Variants in DHX30 observed in about 807,000 individuals in gnomAD.
The protein encoded by DHX30 is ATP-dependent RNA helicase DHX30.
Under a neutral mutation model 116.9 loss-of-function variants are expected in DHX30, and 4 were observed. That is an observed-to-expected ratio of 0.03 (90% confidence interval 0.02 to 0.08). DHX30 has a LOEUF of 0.08. Ranked by LOEUF, DHX30 falls within the 10% of genes least tolerant of loss-of-function variation. DHX30 has a pLI of 1.00. For missense variants in DHX30, 871 were observed against 1,595.1 expected (o/e 0.55, Z 7.73); for synonymous variants, 697 against 651.7 (o/e 1.07, Z -1.06).
At chr3:47,832,076 CTT>C (rs565015686) in intron 6 of DHX30, among the ~76,000 whole-genome samples, 9 of 139,106 alleles carry the variant, frequency 6.5e-5, no homozygotes, top group Admixed American at 7.3e-5. Flanking sequence ...CAGTTAATAT[CTT>C]TTTTTTTTTT....
At chr3:47,824,128 G>A (rs2036426634) in intron 4 of DHX30, among the ~76,000 whole-genome samples, 2 of 148,468 alleles carry the variant, frequency 1.3e-5, no homozygotes, top group African/African-American at 2.5e-5. Flanking sequence ...TCAGCCTCCC[G>A]AGTAGCTGGG....
At chr3:47,815,113 A>G (rs1053060141) in intron 3 of DHX30, among the ~76,000 whole-genome samples, 5 of 152,098 alleles carry the variant, frequency 3.3e-5, no homozygotes, top group African/African-American at 1.2e-4. Flanking sequence ...ATGTAAGTTG[A>G]TGTGAAGCTT....
Position 47,848,130 on chromosome 3 carries a change from A to C in DHX30, c.2287-50A>C. On this transcript the variant is annotated intron_variant, in intron 14 of 21. Transcript: ENST00000445061. This position sits in a 1 kb window ranked among gnomAD's most constrained non-coding sequence, Gnocchi z 9.4. ...GTGAGGGTTACTCAGGGAGTGGGGA[A>C]GCACTGAGGAAGTGGCATTTGTGTG... 1.2e-6 allele frequency: 2 copies of C among 1,606,682 alleles called. No homozygotes were observed. The highest frequency in any genetic ancestry group is 8.5e-7 in the Non-Finnish European group (1 of 1,174,500).
rs1245663630 is a variant in DHX30, at chr3:47,848,879, G to T, written c.2770-41G>T. The T allele has an allele frequency of 6.3e-7, 1 of 1,597,590 alleles. No individual in the cohort carries two copies. Among genetic ancestry groups the T allele is most frequent in the Admixed American group, 1.7e-5 (1 of 59,394 alleles). ...TGCTGTTCTGAGGGGGCGTTGTCTA[G>T]CCCCTGCCTGTGATCCGGCTGCCCT... On this transcript the variant is annotated intron_variant, in intron 17 of 21. Transcript: ENST00000445061. This position sits in a 1 kb window ranked among gnomAD's most constrained non-coding sequence, Gnocchi z 9.4.
chr3:47,836,183 T>A, intron 6 of DHX30, among the ~76,000 whole-genome samples: 1 of 152,146 alleles, frequency 6.6e-6, no homozygotes, highest in East Asian at 1.9e-4. Flanking sequence ...AATGGTGCAA[T>A]GGCGTGATCT....
chr3:47,803,990 C>CT (rs2035413303), intron 1 of DHX30, among the ~76,000 whole-genome samples: 1 of 152,206 alleles, frequency 6.6e-6, no homozygotes, highest in Non-Finnish European at 1.5e-5. Context: ...CAGAAGGCCA[C>CT]TTACAGGCTT....
chr3:47,805,771 C>G (rs979623094), intron 2 of DHX30, among the ~76,000 whole-genome samples: 2 of 152,068 alleles, frequency 1.3e-5, no homozygotes, highest in African/African-American at 4.8e-5. Flanking sequence ...AAACCCCTGA[C>G]GTCAGGTGAT....
At chr3:47,818,899 C>T (rs1350890257) in intron 4 of DHX30, among the ~76,000 whole-genome samples, 1 of 152,168 alleles carries the variant, frequency 6.6e-6, no homozygotes, top group Non-Finnish European at 1.5e-5. Context: ...GCAGAAGGAG[C>T]CCTGTTTTAG....
In DHX30 at chr3:47,849,546, C is replaced by T. The variant is rs9871162; in HGVS notation, c.3183C>T (p.Thr1061=). The T allele has an allele frequency of 0.018, 29,072 of 1,610,590 alleles. 973 individuals carry two copies. Among genetic ancestry groups the T allele is most frequent in the African/African-American group, 0.15 (10,898 of 74,954 alleles). The change falls in exon 20 of 22, where the codon ACC becomes ACT. Residue 1061 remains threonine (T), a synonymous_variant. Coordinates refer to ENST00000445061, the MANE Select transcript of DHX30 (RefSeq NM_138615.3). ...KSGNILLHKS[T]INREATRLRS... ...GCAACATCCTGCTGCACAAGTCGAC[C>T]ATTAACAGGTGAGGGCATGCAGGCC...
At chr3:47,818,426 C>T (rs1576471999) in intron 4 of DHX30, among the ~76,000 whole-genome samples, 1 of 152,140 alleles carries the variant, frequency 6.6e-6, no homozygotes, top group Admixed American at 6.5e-5. Flanking sequence ...GGCTTGGGGC[C>T]TCGAGGCTCC....
intron 3 of DHX30, among the ~76,000 whole-genome samples, chr3:47,817,741 G>T (rs2036122134): frequency 6.6e-6 from 1 of 152,206 alleles, no homozygotes; most frequent in Admixed American, 6.5e-5. Context: ...ACTAAGAGAA[G>T]TATATAGGAT....
intron 3 of DHX30, 48 bp from the exon 4 acceptor site, chr3:47,817,974 T>C: frequency 2.6e-6 from 2 of 780,934 alleles, no homozygotes; most frequent in Non-Finnish European, 4.8e-6. Context: ...GGTCTGTGAC[T>C]GTGAGGGGTG....
chr3:47,848,878 AGCCCCTGCCTGT>A lies in DHX30; in HGVS notation c.2770-40_2770-29del. The A allele has an allele frequency of 6.3e-7, 1 of 1,597,592 alleles. No individual in the cohort carries two copies. Among genetic ancestry groups the A allele is most frequent in the South Asian group, 1.1e-5 (1 of 89,936 alleles). On this transcript the variant is annotated intron_variant, in intron 17 of 21. Transcript: ENST00000445061. This position sits in a 1 kb window ranked among gnomAD's most constrained non-coding sequence, Gnocchi z 9.4. ...CTGCTGTTCTGAGGGGGCGTTGTCT[AGCCCCTGCCTGT>A]GATCCGGCTGCCCTCTTCTCCCCTC... is the stretch of plus-strand genomic sequence containing the variant.
At position 47,847,902 on chromosome 3, in the gene DHX30, G is replaced by C. The variant is rs34727372; in HGVS notation, c.2232G>C (p.Val744=). The change falls in exon 14 of 22, where the codon GTG becomes GTC. Residue 744 remains valine, a synonymous_variant. Transcript: ENST00000445061. This position sits in a 1 kb window ranked among gnomAD's most constrained non-coding sequence, Gnocchi z 5.5. ...CTTCCATCACAATCAATGACATCGTGCATGTGGTGGACAGTGGGCTGCACA... is the reference window on the plus strand; with the variant it reads ...CTTCCATCACAATCAATGACATCGTCCATGTGGTGGACAGTGGGCTGCACA... ...AETSITINDI[V]HVVDSGLHKE... 1.7e-4 allele frequency: 280 copies of C among 1,614,202 alleles called. 1 individual carries two copies. The African/African-American group carries it at 3.5e-3, about 20-fold the overall frequency.
intron 3 of DHX30, 139 bp from the exon 4 acceptor site, chr3:47,817,883 A>T: frequency 4.0e-6 from 3 of 747,614 alleles, no homozygotes; most frequent in Non-Finnish European, 7.4e-6. Context: ...TGTTCCTCAG[A>T]ACCTGTGGCT....
intron 3 of DHX30, among the ~76,000 whole-genome samples, chr3:47,812,452 G>C (rs1335607862): frequency 6.6e-6 from 1 of 150,874 alleles, no homozygotes. Flanking sequence ...CAGCTACTTG[G>C]GAGGCTAAGG....
chr3:47,820,237 G>T (rs1008010562), intron 4 of DHX30, among the ~76,000 whole-genome samples: 3 of 151,970 alleles, frequency 2.0e-5, no homozygotes, highest in Non-Finnish European at 2.9e-5. Flanking sequence ...TTGCTTGAAC[G>T]CAGGAGGCGG....
intron 6 of DHX30, among the ~76,000 whole-genome samples, chr3:47,832,335 TCCAC>T (rs1294522069): frequency 1.3e-5 from 2 of 152,160 alleles, no homozygotes; most frequent in African/African-American, 4.8e-5. Context: ...CTTTTCCTCT[TCCAC>T]CCTCTAAAAC....
chr3:47,845,574 C>T lies in DHX30; in HGVS notation c.940-126C>T, dbSNP rs2037568446. The T allele has an allele frequency of 2.7e-6, 3 of 1,129,164 alleles. No homozygotes were observed. In the African/African-American group the frequency reaches 4.7e-5, roughly 18 times the overall value. 69.9% of individuals were successfully genotyped at this position (1,129,164 alleles called of 1,614,324 possible). A position where few individuals can be genotyped will look rare whatever the true frequency, so the allele number is the denominator to read the frequency against. On this transcript the variant is annotated intron_variant, in intron 9 of 21. Coordinates refer to ENST00000445061, the MANE Select transcript of DHX30 (RefSeq NM_138615.3). ...ATAATTTCTCCCTCCATCACCATGT[C>T]AGCCAAAATCCAAAATCTCTTAGAG...
Sources: allele counts gnomAD v4.1 joint callset (sites outside exome capture counted in the v4.1 genomes callset), GRCh38; gene constraint gnomAD v4.1.1; non-coding constraint Gnocchi (gnomAD v3.1); transcripts MANE v1.5; gene names NCBI Gene and HGNC (gene_info 2026-07-23, HGNC 2026-07-21).